GOLGA4: variants seen among roughly 807,000 people sequenced by gnomAD.
The protein encoded by GOLGA4 is golgin A4.
GOLGA4 carries 169 observed loss-of-function variants against 265.9 expected under a neutral mutation model. The observed-to-expected ratio is 0.64, with a 90% CI of 0.56 to 0.72. The LOEUF (loss-of-function observed/expected upper bound fraction) is 0.72. Ranked by LOEUF, GOLGA4 falls within the 30% of genes least tolerant of loss-of-function variation. The pLI, the probability that GOLGA4 is intolerant of heterozygous loss-of-function variation, is 0.00. For synonymous variants in GOLGA4, 923 were observed against 855.8 expected, an observed-to-expected ratio of 1.08 and a Z score of -1.37; for missense variants, 2,482 against 2,483.4, an observed-to-expected ratio of 1.00 and a Z score of 0.01.
chr3:37,312,388 T>C (rs1355939612), intron 10 of GOLGA4, among the ~76,000 whole-genome samples: 1 of 152,236 alleles, frequency 6.6e-6, no homozygotes, highest in Non-Finnish European at 1.5e-5. Context: ...CCGTATTTTC[T>C]GTATGCTTAA....
At chr3:37,353,205 A>G (rs2097080111) in intron 21 of GOLGA4, among the ~76,000 whole-genome samples, 1 of 152,108 alleles carries the variant, frequency 6.6e-6, no homozygotes, top group Admixed American at 6.6e-5. Flanking sequence ...AGATATTATA[A>G]TAATGAAAAG....
chr3:37,298,781 G>C (rs917935288), intron 7 of GOLGA4, 52 bp from the exon 8 acceptor site: 5 of 1,240,864 alleles, frequency 4.0e-6, no homozygotes, highest in Non-Finnish European at 4.6e-6. Context: ...TTTTCCAAAG[G>C]CAGTTTCATA....
intron 23 of GOLGA4, 148 bp from the exon 24 acceptor site, chr3:37,365,932 C>A: frequency 1.8e-6 from 1 of 564,088 alleles, no homozygotes; most frequent in Non-Finnish European, 3.0e-6. Flanking sequence ...CACACCCAGC[C>A]TTATTTCTGC....
chr3:37,302,281 A>G lies in GOLGA4; in HGVS notation c.1183A>G (p.Thr395Ala). 1.2e-6 allele frequency: 2 copies of G among 1,613,554 alleles called. No individual in the cohort carries two copies. The highest frequency in any genetic ancestry group is 1.3e-5 in the African/African-American group (1 of 75,036). ...ACTCCGTAGTCGCATCAAACAGATG[A>G]CTACCCAGGGAGAGGAATTACGGGA... ...AQLRSRIKQM[T>A]TQGEELREQK... The change falls in exon 10 of 24, where the codon ACT becomes GCT. Residue 395 changes from threonine to alanine, a missense_variant. Physicochemically the swap from Thr to Ala is moderately conservative, Grantham distance 58. Transcript: ENST00000361924.
Position 37,324,332 on chromosome 3 carries a change from G to A in GOLGA4, c.2446G>A (p.Ala816Thr), listed in dbSNP as rs1329563066. 1.9e-6 allele frequency: 3 copies of A among 1,614,018 alleles called. No individual in the cohort carries two copies. The highest frequency in any genetic ancestry group is 2.5e-6 in the Non-Finnish European group (3 of 1,180,018). Residue 816 changes from alanine to threonine, a missense_variant, in exon 14 of 24, where the codon GCA (alanine) becomes ACA (threonine). Transcript: ENST00000361924. Reference protein sequence around the residue: ...YQSATHEQTKAYEEQLAQLQQ... With the variant: ...YQSATHEQTKTYEEQLAQLQQ... ...GAGTGCCACACATGAGCAGACAAAA[G>A]CATATGAGGAACAGTTGGCCCAATT... is the stretch of plus-strand genomic sequence containing the variant.
chr3:37,286,027 A>G lies in GOLGA4; in HGVS notation c.491A>G (p.Tyr164Cys), dbSNP rs545403937. ...ACTATATTTTAGCTTGTTACAGCTT[A>G]TCAGATGCTTCAGAGAGAGAAGAAA... is the stretch of plus-strand genomic sequence containing the variant. Reference protein sequence around the residue: ...RGKYSELVTAYQMLQREKKKL... With the variant: ...RGKYSELVTACQMLQREKKKL... Residue 164 changes from tyrosine to cysteine, a missense_variant, in exon 4 of 24, where the codon TAT becomes TGT. Physicochemically the swap from Tyr to Cys is radical, Grantham distance 194 (BLOSUM62 -2). Around this residue, in one of 3 missense-constraint regions of GOLGA4, gnomAD observed 1,536 missense variants for 1,483.7 expected, o/e 1.04. Transcript: ENST00000361924. 3.8e-6 allele frequency: 6 copies of G among 1,573,032 alleles called. No individual in the cohort carries two copies. The African/African-American group carries it at 8.1e-5, about 21-fold the overall frequency.
At chr3:37,353,069 A>G (rs1053140777) in intron 21 of GOLGA4, among the ~76,000 whole-genome samples, 5 of 152,112 alleles carry the variant, frequency 3.3e-5, no homozygotes. Flanking sequence ...GGAAAAGGAA[A>G]GAGATGGGGG....
At chr3:37,347,742 A>C (rs1362478364) in intron 21 of GOLGA4, among the ~76,000 whole-genome samples, 1 of 152,196 alleles carries the variant, frequency 6.6e-6, no homozygotes, top group Non-Finnish European at 1.5e-5. Context: ...ATCCTTCTGC[A>C]CTTGTGGAAT....
Position 37,325,058 on chromosome 3 carries a change from C to G in GOLGA4, c.3172C>G (p.Leu1058Val), listed in dbSNP as rs2096966035. The G allele has an allele frequency of 6.2e-7, 1 of 1,612,744 alleles. No homozygotes were observed. The highest frequency in any genetic ancestry group is 1.3e-5 in the African/African-American group (1 of 74,782). ...EKKLNQQAEE[L>V]QEIHEIQLQE... ...GAAACTTAATCAGCAAGCTGAAGAA[C>G]TTCAGGAAATACATGAAATCCAATT... The change falls in exon 14 of 24, where the codon CTT becomes GTT. Residue 1058 changes from leucine (L) to valine (V), a missense_variant. Around this residue, in one of 3 missense-constraint regions of GOLGA4, gnomAD observed 1,536 missense variants for 1,483.7 expected, o/e 1.04. Coordinates refer to ENST00000361924, the MANE Select transcript of GOLGA4 (RefSeq NM_002078.5).
intron 19 of GOLGA4, among the ~76,000 whole-genome samples, chr3:37,339,350 A>G (rs191584591): frequency 3.9e-5 from 6 of 152,322 alleles, no homozygotes; most frequent in East Asian, 1.9e-4. Context: ...GAACAGTGCT[A>G]CTAAAAACAT....
intron 10 of GOLGA4, among the ~76,000 whole-genome samples, chr3:37,305,322 A>T (rs2096903285): frequency 6.6e-6 from 1 of 152,208 alleles, no homozygotes; most frequent in Admixed American, 6.5e-5. Flanking sequence ...TAGTCATAAT[A>T]ATTGAGGGCT....
intron 1 of GOLGA4, among the ~76,000 whole-genome samples, chr3:37,246,739 A>T (rs531770041): frequency 2.0e-4 from 30 of 152,356 alleles, no homozygotes; most frequent in African/African-American, 7.2e-4. Context: ...TGAATTGTAC[A>T]GCTACAAATG....
chr3:37,275,215 C>CAAAAAAAAAAAAAAA (rs749758741), intron 2 of GOLGA4, among the ~76,000 whole-genome samples: 1 of 44,956 alleles, frequency 2.2e-5, no homozygotes, highest in Non-Finnish European at 3.7e-5. Flanking sequence ...GACTCCGTCT[C>CAAAAAAAAAAAAAAA]AAAAAAAAAA....
intron 10 of GOLGA4, among the ~76,000 whole-genome samples, chr3:37,304,287 T>G (rs1209519944): frequency 1.3e-5 from 2 of 152,146 alleles, no homozygotes; most frequent in Non-Finnish European, 2.9e-5. Flanking sequence ...GGGGACTGGG[T>G]CTCTAGACAG....
chr3:37,276,167 A>G (rs1236210601), intron 2 of GOLGA4: 5 of 1,599,120 alleles, frequency 3.1e-6, no homozygotes, highest in African/African-American at 1.3e-5. Flanking sequence ...GGATGACTAC[A>G]TTGCAATTGG....
In GOLGA4 at chr3:37,327,202, A is replaced by G. The variant is rs555394624; in HGVS notation, c.5316A>G (p.Gln1772=). The change falls in exon 14 of 24, where the codon CAA becomes CAG. Residue 1772 remains glutamine (Q), a synonymous_variant. Coordinates refer to ENST00000361924, the MANE Select transcript of GOLGA4 (RefSeq NM_002078.5). ...TVSSHFEMRC[Q]YQERLIKLEH... The stretch of plus-strand genomic sequence containing the variant: ...CTTCTCATTTTGAAATGCGATGCCA[A>G]TACCAGGAGCGCTTAATAAAGCTAG... 21 of 1,613,950 alleles carry G rather than the reference A, an allele frequency of 1.3e-5. No homozygotes were observed. The Admixed American group carries it at 2.0e-4, about 15-fold the overall frequency.
chr3:37,246,622 T>C (rs1311363875), intron 1 of GOLGA4, among the ~76,000 whole-genome samples: 1 of 152,046 alleles, frequency 6.6e-6, no homozygotes, highest in Non-Finnish European at 1.5e-5. Flanking sequence ...GAGGAGAGAA[T>C]GGGGAGTTAC....
Position 37,285,997 on chromosome 3 carries a change from T to C in GOLGA4, c.478-17T>C. On this transcript the variant is annotated splice_polypyrimidine_tract_variant and intron_variant, in intron 3 of 23. Transcript: ENST00000361924. Reference sequence around the variant, plus strand: ...TTTATTTAGGAATGACTAATGTTGTTGATGACTATATTTTAGCTTGTTACA... The same window carrying C: ...TTTATTTAGGAATGACTAATGTTGTCGATGACTATATTTTAGCTTGTTACA... 1 of 1,469,788 alleles carries C rather than the reference T, an allele frequency of 6.8e-7. No individual in the cohort carries two copies. Among genetic ancestry groups the C allele is most frequent in the African/African-American group, 1.4e-5 (1 of 71,208 alleles). 91.0% of individuals were successfully genotyped at this position (1,469,788 alleles called of 1,614,324 possible). A position where few individuals can be genotyped will look rare whatever the true frequency, so the allele number is the denominator to read the frequency against.
intron 2 of GOLGA4, among the ~76,000 whole-genome samples, chr3:37,275,343 G>A (rs1021637831): frequency 3.7e-4 from 56 of 151,650 alleles, no homozygotes; most frequent in African/African-American, 1.0e-3. Context: ...AGTGAGGCTG[G>A]TCAGGTTGTG....
Sources: gnomAD v4.1 joint callset for allele counts (sites outside exome capture counted in the v4.1 genomes callset) on GRCh38, gnomAD v4.1.1 for gene constraint, gnomAD v4.1.1 regional missense constraint, MANE v1.5 for transcripts, NCBI Gene and HGNC (gene_info 2026-07-23, HGNC 2026-07-21) for gene names.